Variants in SLMAP observed in about 807,000 individuals in gnomAD.
The protein encoded by SLMAP is sarcolemmal membrane-associated protein.
Under a neutral mutation model 128.8 loss-of-function variants are expected in SLMAP, and 44 were observed. That is an observed-to-expected ratio of 0.34 (90% confidence interval 0.27 to 0.44). SLMAP has a LOEUF of 0.44. Ranked by LOEUF, SLMAP falls within the 20% of genes least tolerant of loss-of-function variation. SLMAP has a pLI of 1.00. For missense variants in SLMAP, 787 were observed against 985.3 expected (o/e 0.80, Z 2.69); for synonymous variants, 327 against 348.8 (o/e 0.94, Z 0.70).
At chr3:57,912,308 C>A in intron 19 of SLMAP, 73 bp from the exon 20 acceptor site, 1 of 1,271,172 alleles carries the variant, frequency 7.9e-7, no homozygotes, top group South Asian at 1.3e-5. Flanking sequence ...CCAGGTTATG[C>A]ATTAGCTACA....
At chr3:57,811,840 C>T (rs970158835) in intron 2 of SLMAP, among the ~76,000 whole-genome samples, 1 of 152,142 alleles carries the variant, frequency 6.6e-6, no homozygotes, top group Admixed American at 6.5e-5. Context: ...TGTTCAGCAT[C>T]TTTTCATGTG....
chr3:57,788,478 G>A (rs2084723992), intron 2 of SLMAP, among the ~76,000 whole-genome samples: 1 of 152,056 alleles, frequency 6.6e-6, no homozygotes, highest in African/African-American at 2.4e-5. Flanking sequence ...GATAGACTTG[G>A]GAGTTATCAG....
chr3:57,827,763 T>C (rs971796339), intron 2 of SLMAP, among the ~76,000 whole-genome samples: 1 of 152,210 alleles, frequency 6.6e-6, no homozygotes, highest in Non-Finnish European at 1.5e-5. Flanking sequence ...TTATTTCTTT[T>C]TTAATGTGGT....
At chr3:57,823,238 CTTTTAAG>C (rs1440874112) in intron 2 of SLMAP, among the ~76,000 whole-genome samples, 1 of 151,498 alleles carries the variant, frequency 6.6e-6, no homozygotes, top group Non-Finnish European at 1.5e-5. Flanking sequence ...TTTTATTATA[CTTTTAAG>C]TTTTAGGGTA....
At chr3:57,848,524 C>T (rs1338891630) in intron 5 of SLMAP, among the ~76,000 whole-genome samples, 1 of 148,050 alleles carries the variant, frequency 6.8e-6, no homozygotes, top group Non-Finnish European at 1.5e-5. Flanking sequence ...CTTCTTCCTT[C>T]TTTCTCCTTC....
chr3:57,924,828 A>G (rs116062048), intron 23 of SLMAP, among the ~76,000 whole-genome samples: 2,759 of 152,228 alleles, frequency 0.018, 72 homozygotes, highest in African/African-American at 0.063. Flanking sequence ...GAGGGATAAA[A>G]TAACCATTGC....
chr3:57,856,879 T>C (rs1404085087), intron 6 of SLMAP, among the ~76,000 whole-genome samples: 6 of 152,160 alleles, frequency 3.9e-5, no homozygotes, highest in Non-Finnish European at 5.9e-5. Flanking sequence ...TGTGTTACAA[T>C]GTTAGGATGG....
At chr3:57,770,957 A>G (rs1408217173) in intron 2 of SLMAP, among the ~76,000 whole-genome samples, 1 of 152,132 alleles carries the variant, frequency 6.6e-6, no homozygotes, top group Admixed American at 6.6e-5. Flanking sequence ...GAACATTCCT[A>G]ATTCAAAAAT....
At chr3:57,838,912 T>G (rs2093774549) in intron 3 of SLMAP, among the ~76,000 whole-genome samples, 1 of 152,188 alleles carries the variant, frequency 6.6e-6, no homozygotes, top group South Asian at 2.1e-4. Flanking sequence ...GTTATTGTGC[T>G]GGGCAGAGTT....
At chr3:57,860,082 A>ATGTT (rs2094974571) in intron 8 of SLMAP, among the ~76,000 whole-genome samples, 1 of 152,062 alleles carries the variant, frequency 6.6e-6, no homozygotes, top group Non-Finnish European at 1.5e-5. Context: ...GGGTCTTGCT[A>ATGTT]TGTTGCCCAG....
intron 2 of SLMAP, among the ~76,000 whole-genome samples, chr3:57,763,579 G>C (rs963617174): frequency 6.6e-6 from 1 of 151,876 alleles, no homozygotes; most frequent in Non-Finnish European, 1.5e-5. Context: ...CCGGCCTAGT[G>C]CATCTTTTTG....
chr3:57,776,522 C>CTT (rs1553775402), intron 2 of SLMAP, among the ~76,000 whole-genome samples: 1,924 of 92,514 alleles, frequency 0.021, 62 homozygotes, highest in South Asian at 0.034. Flanking sequence ...CTCTCTCTCT[C>CTT]TTTTTTTTTT....
chr3:57,909,837 C>T (rs1391044789), intron 19 of SLMAP, among the ~76,000 whole-genome samples: 8 of 151,926 alleles, frequency 5.3e-5, no homozygotes, highest in African/African-American at 1.9e-4. Context: ...ATCTCAAACT[C>T]CCAACCTCAG....
At chr3:57,767,988 C>G (rs2080077873) in intron 2 of SLMAP, among the ~76,000 whole-genome samples, 1 of 152,162 alleles carries the variant, frequency 6.6e-6, no homozygotes, top group African/African-American at 2.4e-5. Context: ...AAAAACTTAC[C>G]TCTACTACTC....
At chr3:57,758,596 T>G (rs2078027439) in intron 2 of SLMAP, among the ~76,000 whole-genome samples, 1 of 152,240 alleles carries the variant, frequency 6.6e-6, no homozygotes, top group Admixed American at 6.5e-5. Flanking sequence ...TTTCTGAAAT[T>G]ATACCCTATT....
intron 8 of SLMAP, 68 bp from the exon 9 acceptor site, chr3:57,860,631 A>AT: frequency 1.6e-6 from 2 of 1,246,332 alleles, no homozygotes; most frequent in South Asian, 1.6e-5. Context: ...TAATGTGTTA[A>AT]TTTTTTTCAA....
At chr3:57,845,927 T>C (rs2094221366) in intron 4 of SLMAP, among the ~76,000 whole-genome samples, 2 of 151,892 alleles carry the variant, frequency 1.3e-5, no homozygotes, top group South Asian at 2.1e-4. Flanking sequence ...CTGCAACCTC[T>C]GCCTCCCAGG....
At chr3:57,795,275 C>G (rs2086456823) in intron 2 of SLMAP, among the ~76,000 whole-genome samples, 1 of 152,214 alleles carries the variant, frequency 6.6e-6, no homozygotes, top group Non-Finnish European at 1.5e-5. Flanking sequence ...CATGGTGGCT[C>G]ACGCCTGTAA....
At chr3:57,839,800 C>T (rs540865650) in intron 3 of SLMAP, among the ~76,000 whole-genome samples, 14 of 152,200 alleles carry the variant, frequency 9.2e-5, no homozygotes, top group African/African-American at 2.6e-4. Flanking sequence ...CTCAGGTGAT[C>T]TGCCTCGGCC....
Sources: gnomAD v4.1 joint callset for allele counts (sites outside exome capture counted in the v4.1 genomes callset) on GRCh38, gnomAD v4.1.1 for gene constraint, MANE v1.5 for transcripts, NCBI Gene and HGNC (gene_info 2026-07-23, HGNC 2026-07-21) for gene names.